Variants in NOP9 observed in about 807,000 individuals in gnomAD.
The protein encoded by NOP9 is NOP9 nucleolar protein.
In NOP9, 50 loss-of-function variants were observed where a neutral mutation model predicts 63.0. The observed-to-expected ratio is 0.79, with a 90% CI of 0.63 to 1.00. NOP9 has a LOEUF of 1.00. Among genes scored for constraint, NOP9 ranks in the 50% least tolerant of loss-of-function variants. NOP9 has a pLI of 0.00. For missense variants in NOP9, 758 were observed against 803.0 expected (o/e 0.94, Z 0.68); for synonymous variants, 343 against 332.8 (o/e 1.03, Z -0.33).
chr14:24,295,133 A>G (rs2041227943), upstream of NOP9, among the ~76,000 whole-genome samples: 1 of 152,248 alleles, frequency 6.6e-6, no homozygotes, highest in Non-Finnish European at 1.5e-5. Flanking sequence ...GATTAGAGAA[A>G]TAAATGATCA....
the NOP9 span, among the ~76,000 whole-genome samples, chr14:24,275,234 G>T: frequency 6.6e-6 from 1 of 152,164 alleles, no homozygotes; most frequent in Non-Finnish European, 1.5e-5. Context: ...AATGATGTTT[G>T]AAGAAGAGAT....
chr14:24,306,316 A>G lies in NOP9; in HGVS notation c.*1221A>G. The G allele has an allele frequency of 1.0e-5, 16 of 1,601,766 alleles. No individual in the cohort carries two copies. The highest frequency in any genetic ancestry group is 1.3e-5 in the African/African-American group (1 of 74,754). ...AGGATCAGGGTTAAGCTAGAGAGGA[A>G]GCCCGGGAAAGCTCTAAAGGACAGG... is the stretch of plus-strand genomic sequence containing the variant. On this transcript the variant is annotated 3_prime_UTR_variant, in exon 10 of 10. Transcript: ENST00000267425.
chr14:24,281,574 C>T, the NOP9 span, among the ~76,000 whole-genome samples: 2 of 152,178 alleles, frequency 1.3e-5, no homozygotes, highest in Non-Finnish European at 2.9e-5. Flanking sequence ...TAACACTAGT[C>T]AAGAGCCAAG....
Position 24,307,717 on chromosome 14 carries a change from G to A in NOP9, c.*2622G>A. On this transcript the variant is annotated 3_prime_UTR_variant, in exon 10 of 10. Coordinates refer to ENST00000267425, the MANE Select transcript of NOP9 (RefSeq NM_174913.3). ...GCCCACTGTGGAGTGGGGAGCAGGA[G>A]AGGAAGGGGTACTGGTTAGTCTCCT... 7.4e-7 allele frequency: 1 copy of A among 1,353,148 alleles called. No individual in the cohort carries two copies. The highest frequency in any genetic ancestry group is 1.2e-5 in the South Asian group (1 of 80,230). The allele number at this position is 1,353,148 out of a possible 1,614,324, so 83.8% of individuals were successfully genotyped here.
Position 24,305,311 on chromosome 14 carries a change from C to G in NOP9, c.*216C>G. On this transcript the variant is annotated 3_prime_UTR_variant, in exon 10 of 10. Coordinates refer to ENST00000267425, the MANE Select transcript of NOP9 (RefSeq NM_174913.3). The stretch of plus-strand genomic sequence containing the variant: ...ATCAGTATGCTGGGGAGTTTAGGGA[C>G]AGGAGGCATTGGTAGGGGATTAGAT... The G allele has an allele frequency of 3.5e-6, 2 of 571,822 alleles. No individual in the cohort carries two copies. The highest frequency in any genetic ancestry group is 6.2e-5 in the East Asian group (2 of 32,094). The allele number at this position is 571,822 out of a possible 1,614,324, so 35.4% of individuals were successfully genotyped here.
chr14:24,296,417 G>C, upstream of NOP9: 1 of 1,250,998 alleles, frequency 8.0e-7, no homozygotes, highest in African/African-American at 1.5e-5. Flanking sequence ...GGGGAGGCCG[G>C]AGGGAAAAGG....
chr14:24,303,081 C>T lies in NOP9; in HGVS notation c.1151C>T (p.Pro384Leu), dbSNP rs775296353. The change falls in exon 6 of 10, where the codon CCT becomes CTT. Residue 384 changes from proline (P) to leucine (L), a missense_variant. By Grantham distance (98) the Pro-to-Leu change is moderately conservative. Coordinates refer to ENST00000267425, the MANE Select transcript of NOP9 (RefSeq NM_174913.3). ...TTCCATGTTTCCCATCAGCTGTCCC[C>T]TGTGTTTGAGGAGCTGAGCCCTGTC... ...DAVTTPELLS[P>L]VFEELSPVLE... The T allele has an allele frequency of 6.5e-7, 1 of 1,537,090 alleles. No individual in the cohort carries two copies. The highest frequency in any genetic ancestry group is 8.7e-7 in the Non-Finnish European group (1 of 1,145,024).
the NOP9 span, among the ~76,000 whole-genome samples, chr14:24,276,411 C>T: frequency 1.3e-5 from 2 of 150,070 alleles, no homozygotes; most frequent in African/African-American, 4.9e-5. Context: ...ACTACAGGCA[C>T]ACACCCAGCT....
In NOP9 at chr14:24,307,909, C is replaced by G. The variant is rs988071279; in HGVS notation, c.*2814C>G. The G allele has an allele frequency of 8.7e-6, 13 of 1,502,852 alleles. No individual in the cohort carries two copies. The highest frequency in any genetic ancestry group is 2.8e-5 in the African/African-American group (2 of 72,448). The allele number at this position is 1,502,852 out of a possible 1,614,324, so 93.1% of individuals were successfully genotyped here. ...GAACTTCTGGGCTGGGTGGTTCTCT[C>G]CTGTGCTGGGGCTTTAGTGGTGTTT... On this transcript the variant is annotated 3_prime_UTR_variant, in exon 10 of 10. Transcript: ENST00000267425.
intron 5 of NOP9, 98 bp downstream of exon 5, chr14:24,302,522 CT>C: frequency 4.2e-6 from 5 of 1,185,194 alleles, no homozygotes; most frequent in Non-Finnish European, 5.9e-6. Flanking sequence ...TGACATTGTG[CT>C]GGCCATTGCC....
chr14:24,307,341 T>A lies in NOP9; in HGVS notation c.*2246T>A, dbSNP rs779804582. The A allele has an allele frequency of 6.2e-7, 1 of 1,600,384 alleles. No individual in the cohort carries two copies. The highest frequency in any genetic ancestry group is 1.1e-5 in the South Asian group (1 of 89,370). ...TGTGGAGCCCCTTGGCTACCCCTGC[T>A]ATAGGAACCGAGGAACTTGGCCTAC... On this transcript the variant is annotated 3_prime_UTR_variant, in exon 10 of 10. Coordinates refer to ENST00000267425, the MANE Select transcript of NOP9 (RefSeq NM_174913.3).
At chr14:24,292,124 A>T in the NOP9 span, 154 of 1,604,976 alleles carry the variant, frequency 9.6e-5, no homozygotes, top group Non-Finnish European at 1.3e-4. Context: ...TGATCTTGTT[A>T]TTGAGGATGC....
chr14:24,277,372 C>T, the NOP9 span, among the ~76,000 whole-genome samples: 2 of 151,928 alleles, frequency 1.3e-5, no homozygotes, highest in Non-Finnish European at 2.9e-5. Context: ...GTCAGGTGTG[C>T]GCAGGTAGTC....
In NOP9 at chr14:24,300,517, G is replaced by A. The variant is rs766424752; in HGVS notation, c.357G>A (p.Leu119=). 214 of 1,614,154 alleles carry A rather than the reference G, an allele frequency of 1.3e-4. No homozygotes were observed. The Middle Eastern group carries it at 1.5e-3, about 11-fold the overall frequency. Residue 119 remains leucine (L), a synonymous_variant, in exon 2 of 10, where the codon TTG becomes TTA. Transcript: ENST00000267425. Reference sequence around the variant, plus strand: ...AGGAACTGTTGGGATTCAGTCCCTTGAAACCGCTTTGTCGCGTGTGGGCTG... The same window carrying A: ...AGGAACTGTTGGGATTCAGTCCCTTAAAACCGCTTTGTCGCGTGTGGGCTG... ...MLQELLGFSP[L]KPLCRVWAAL...
chr14:24,288,569 C>T, the NOP9 span, among the ~76,000 whole-genome samples: 6 of 152,208 alleles, frequency 3.9e-5, no homozygotes, highest in South Asian at 4.1e-4. Context: ...AGGCTGGTCT[C>T]GAACTCCTGG....
rs2041576263 is a variant in NOP9 at position 24,308,094 on chromosome 14, A to G, written c.*2999A>G. 5.2e-6 allele frequency: 3 copies of G among 575,846 alleles called. No homozygotes were observed. Among genetic ancestry groups the G allele is most frequent in the Non-Finnish European group, 9.4e-6 (3 of 319,958 alleles). The allele number at this position is 575,846 out of a possible 1,614,324, so 35.7% of individuals were successfully genotyped here. ...GAGGAAGAATTGCCTGGCAAAAGCCATTGGAGCTTGTATGTGTGTCTTTGG... is the reference window on the plus strand; with the variant it reads ...GAGGAAGAATTGCCTGGCAAAAGCCGTTGGAGCTTGTATGTGTGTCTTTGG... On this transcript the variant is annotated 3_prime_UTR_variant, in exon 10 of 10. Coordinates refer to ENST00000267425, the MANE Select transcript of NOP9 (RefSeq NM_174913.3).
At chr14:24,291,038 C>G in the NOP9 span, 1 of 1,613,574 alleles carries the variant, frequency 6.2e-7, no homozygotes, top group Non-Finnish European at 8.5e-7. Context: ...TCATTTCCCA[C>G]TCCTCAGATA....
rs746731632 is a variant in NOP9 at position 24,300,126 on chromosome 14, A to G, written c.172A>G (p.Ser58Gly). 5 of 1,613,720 alleles carry G rather than the reference A, an allele frequency of 3.1e-6. 1 individual carries two copies. In the African/African-American group the frequency reaches 5.3e-5, roughly 17 times the overall value. ...GGCTCCAGATTCGCACCCGCACCTGAGCCCGGAAGCTCTGGGATATTTCCG... is the reference window on the plus strand; with the variant it reads ...GGCTCCAGATTCGCACCCGCACCTGGGCCCGGAAGCTCTGGGATATTTCCG... The part of the protein sequence containing the change: ...EPAPDSHPHL[S>G]PEALGYFRRA... The change falls in exon 1 of 10, where the codon AGC (serine) becomes GGC (glycine). Residue 58 changes from serine (S) to glycine (G), a missense_variant. Coordinates refer to ENST00000267425, the MANE Select transcript of NOP9 (RefSeq NM_174913.3).
In NOP9 at chr14:24,306,057, G is replaced by T. The variant is rs760648215; in HGVS notation, c.*962G>T. 1 of 1,614,138 alleles carries T rather than the reference G, an allele frequency of 6.2e-7. No homozygotes were observed. Among genetic ancestry groups the T allele is most frequent in the South Asian group, 1.1e-5 (1 of 91,080 alleles). ...CAAAGAGGTCTCGAGGGTTTTGCTT[G>T]TACACGTCAAAGGTGAATCGGGCGA... On this transcript the variant is annotated 3_prime_UTR_variant, in exon 10 of 10. Transcript: ENST00000267425.
Sources: gnomAD v4.1 joint callset for allele counts (sites outside exome capture counted in the v4.1 genomes callset) on GRCh38, gnomAD v4.1.1 for gene constraint, MANE v1.5 for transcripts, NCBI Gene and HGNC (gene_info 2026-07-23, HGNC 2026-07-21) for gene names.